Variants in CENPP observed in about 807,000 individuals in gnomAD.
The protein encoded by CENPP is centromere protein P.
In CENPP, 24 loss-of-function variants were observed where a neutral mutation model predicts 35.6. The observed-to-expected ratio is 0.67, with a 90% CI of 0.49 to 0.95. CENPP has a LOEUF of 0.95. Ranked by LOEUF, CENPP falls within the 40% of genes least tolerant of loss-of-function variation. The probability of loss-of-function intolerance (pLI) is 0.00; values close to 1 mark genes in which losing one functional copy is unlikely to be tolerated. For synonymous variants in CENPP, 120 were observed against 125.5 expected (o/e 0.96, Z 0.29); for missense variants, 332 against 345.3 (o/e 0.96, Z 0.31).
intron 5 of CENPP, among the ~76,000 whole-genome samples, chr9:92,452,722 CT>C (rs1844750029): frequency 2.6e-5 from 4 of 152,160 alleles, no homozygotes; most frequent in African/African-American, 9.7e-5. Flanking sequence ...GTGAATCCAT[CT>C]GGTCCTGGAC....
intron 5 of CENPP, among the ~76,000 whole-genome samples, chr9:92,422,728 A>G (rs1462707453): frequency 2.0e-5 from 3 of 152,024 alleles, no homozygotes; most frequent in South Asian, 2.1e-4. Flanking sequence ...GTTTTCATCT[A>G]TATGCTCATT....
intron 5 of CENPP, chr9:92,496,066 T>C (rs1846329778): frequency 9.1e-7 from 1 of 1,104,424 alleles, no homozygotes; most frequent in African/African-American, 1.7e-5. Flanking sequence ...CATAATATCC[T>C]ATTCTAGTGA....
rs78193598 is a variant in CENPP, at chr9:92,395,043, G to A, written c.564+15184G>A. Among the ~76,000 whole-genome samples, 690 of 151,820 alleles carry A rather than the reference G, an allele frequency of 4.5e-3. 3 individuals are homozygous for A. The highest frequency in any genetic ancestry group is 6.8e-3 in the Middle Eastern group (2 of 292). On this transcript the variant is annotated intron_variant, in intron 5 of 7. Coordinates refer to ENST00000375587, the MANE Select transcript of CENPP (RefSeq NM_001012267.3). ...CTTTTTTTTCCTGCTACAGCTTTTT[G>A]TGGTTAGCTGACTTACAATTAATTG...
chr9:92,615,954 A>G lies in CENPP; in HGVS notation c.*2805A>G. On this transcript the variant is annotated 3_prime_UTR_variant, in exon 8 of 8. Coordinates refer to ENST00000375587, the MANE Select transcript of CENPP (RefSeq NM_001012267.3). The stretch of plus-strand genomic sequence containing the variant: ...TTGACGATCTTGCCGTCCAGTTTAT[A>G]CTGATGGGGAATGCTCTCGTAGGGC... The G allele has an allele frequency of 6.2e-7, 1 of 1,614,074 alleles. No individual in the cohort carries two copies. Among genetic ancestry groups the G allele is most frequent in the Non-Finnish European group, 8.5e-7 (1 of 1,179,994 alleles).
intron 5 of CENPP, among the ~76,000 whole-genome samples, chr9:92,591,835 C>A (rs1442498206): frequency 6.6e-6 from 1 of 152,118 alleles, no homozygotes; most frequent in Non-Finnish European, 1.5e-5. Flanking sequence ...TCTTGGCACT[C>A]ATCACAATTT....
At chr9:92,554,576 A>G (rs1283787931) in intron 5 of CENPP, among the ~76,000 whole-genome samples, 2 of 152,148 alleles carry the variant, frequency 1.3e-5, no homozygotes, top group Non-Finnish European at 2.9e-5. Context: ...CCACTTGATC[A>G]TGGTGGATTA....
intron 5 of CENPP, among the ~76,000 whole-genome samples, chr9:92,388,166 CT>C (rs1000070619): frequency 3.8e-4 from 58 of 150,750 alleles, no homozygotes; most frequent in Admixed American, 1.4e-3. Flanking sequence ...TGATCAGCTC[CT>C]TTTTTTTTGG....
At position 92,619,324 on chromosome 9, in the gene CENPP, G is replaced by A. The variant is rs1304875330; in HGVS notation, c.*6175G>A. On this transcript the variant is annotated 3_prime_UTR_variant, in exon 8 of 8. Transcript: ENST00000375587. ...ACTGAATTACAAGCTTCTAGAGGGC[G>A]AGAGTTAGTAAGCCCCATGATGTCA... 10 of 604,912 alleles carry A rather than the reference G, an allele frequency of 1.7e-5. No homozygotes were observed. The highest frequency in any genetic ancestry group is 2.4e-5 in the Non-Finnish European group (8 of 334,038). The allele number at this position is 604,912 out of a possible 1,614,324, so 37.5% of individuals were successfully genotyped here.
intron 5 of CENPP, among the ~76,000 whole-genome samples, chr9:92,409,323 G>A (rs926108709): frequency 5.3e-5 from 8 of 152,152 alleles, no homozygotes; most frequent in Non-Finnish European, 1.2e-4. Context: ...AATGGATTTA[G>A]AATCAGGAAA....
chr9:92,508,566 C>A (rs1847148708), intron 5 of CENPP, among the ~76,000 whole-genome samples: 1 of 152,210 alleles, frequency 6.6e-6, no homozygotes, highest in African/African-American at 2.4e-5. Flanking sequence ...TACAGTTGTT[C>A]TAAATTGCTG....
intron 5 of CENPP, among the ~76,000 whole-genome samples, chr9:92,601,592 G>T (rs1228584041): frequency 6.6e-6 from 1 of 152,220 alleles, no homozygotes; most frequent in Non-Finnish European, 1.5e-5. Context: ...GAGGTGCCTG[G>T]CCTGGTATTA....
At chr9:92,392,086 C>T (rs1842710134) in intron 5 of CENPP, among the ~76,000 whole-genome samples, 1 of 151,668 alleles carries the variant, frequency 6.6e-6, no homozygotes, top group South Asian at 2.1e-4. Flanking sequence ...TGATCTAGGA[C>T]TGGGATTTGG....
intron 5 of CENPP, chr9:92,505,830 T>C (rs192944816): frequency 1.5e-6 from 1 of 660,824 alleles, no homozygotes; most frequent in East Asian, 2.8e-5. Context: ...TATCCTCCTA[T>C]AAAACCTTTT....
intron 5 of CENPP, among the ~76,000 whole-genome samples, chr9:92,571,819 C>T (rs1850148296): frequency 1.3e-5 from 2 of 151,782 alleles, no homozygotes; most frequent in Admixed American, 1.3e-4. Context: ...GAATTGATCC[C>T]TTTACCATTA....
intron 4 of CENPP, among the ~76,000 whole-genome samples, chr9:92,367,437 G>T (rs1050764941): frequency 6.6e-6 from 1 of 152,086 alleles, no homozygotes; most frequent in African/African-American, 2.4e-5. Flanking sequence ...AGAGTTCTGG[G>T]ATTACAGGCG....
intron 5 of CENPP, among the ~76,000 whole-genome samples, chr9:92,416,021 T>A (rs956549195): frequency 7.1e-5 from 10 of 141,234 alleles, no homozygotes; most frequent in African/African-American, 2.5e-4. Flanking sequence ...AGAGAATATA[T>A]ATTTTTTATA....
chr9:92,441,562 C>G lies in CENPP; in HGVS notation c.564+61703C>G, dbSNP rs184309402. Among the ~76,000 whole-genome samples, 18 of 152,208 alleles carry G rather than the reference C, an allele frequency of 1.2e-4. No individual in the cohort carries two copies. In the East Asian group the frequency reaches 2.5e-3, roughly 21 times the overall value. ...TCACTTGAGCCCAGGAGTTCAAGACCAGCCTGAGCAACATAACAAGACTCC... is the reference window on the plus strand; with the variant it reads ...TCACTTGAGCCCAGGAGTTCAAGACGAGCCTGAGCAACATAACAAGACTCC... On this transcript the variant is annotated intron_variant, in intron 5 of 7. Transcript: ENST00000375587.
intron 5 of CENPP, among the ~76,000 whole-genome samples, chr9:92,440,505 G>A (rs1023584463): frequency 6.6e-6 from 1 of 152,128 alleles, no homozygotes; most frequent in East Asian, 1.9e-4. Flanking sequence ...TCTATAAAGT[G>A]CTTCCCTTAA....
intron 5 of CENPP, among the ~76,000 whole-genome samples, chr9:92,412,595 A>G (rs1843474649): frequency 2.0e-5 from 3 of 152,204 alleles, no homozygotes. Context: ...TTTCATAAAG[A>G]TGGAATCATA....
Sources: allele counts gnomAD v4.1 joint callset (sites outside exome capture counted in the v4.1 genomes callset), GRCh38; gene constraint gnomAD v4.1.1; transcripts MANE v1.5; gene names NCBI Gene and HGNC (gene_info 2026-07-23, HGNC 2026-07-21).